Variants in KDM7A observed in about 807,000 individuals in gnomAD.
The protein encoded by KDM7A is lysine-specific demethylase 7A.
In KDM7A, 28 loss-of-function variants were observed where a neutral mutation model predicts 114.8. The ratio of observed to expected loss-of-function variants is 0.24; its 90% confidence interval spans 0.18 to 0.33. The LOEUF (loss-of-function observed/expected upper bound fraction) is 0.33, where lower values mean the gene tolerates loss of function less well. Ranked by LOEUF, KDM7A falls within the 10% of genes least tolerant of loss-of-function variation. KDM7A has a pLI of 1.00. For synonymous variants in KDM7A, 423 were observed against 397.8 expected, an observed-to-expected ratio of 1.06 and a Z score of -0.75; for missense variants, 942 against 1,142.5, an observed-to-expected ratio of 0.82 and a Z score of 2.53.
chr7:140,157,996 AATAATAAT>A (rs767410524), intron 1 of KDM7A, among the ~76,000 whole-genome samples: 13 of 67,512 alleles, frequency 1.9e-4, no homozygotes, highest in Non-Finnish European at 3.3e-4. Context: ...ATAAATAAAT[AATAATAAT>A]AATAATAATA....
At chr7:140,130,027 A>G (rs1347074031) in intron 3 of KDM7A, among the ~76,000 whole-genome samples, 1 of 152,206 alleles carries the variant, frequency 6.6e-6, no homozygotes, top group Non-Finnish European at 1.5e-5. Context: ...AGCTCACTGG[A>G]GCATTTCAGA....
intron 9 of KDM7A, among the ~76,000 whole-genome samples, chr7:140,114,491 G>A (rs1422237418): frequency 6.6e-6 from 1 of 152,104 alleles, no homozygotes; most frequent in Non-Finnish European, 1.5e-5. Flanking sequence ...CCAGGCTGGA[G>A]TGCAGTGGCG....
chr7:140,121,170 TATGGTCCTAC>T (rs1325622441), intron 7 of KDM7A, among the ~76,000 whole-genome samples: 1 of 152,198 alleles, frequency 6.6e-6, no homozygotes, highest in Non-Finnish European at 1.5e-5. Flanking sequence ...TATGAAGGGT[TATGGTCCTAC>T]AAATATAGGT....
In KDM7A at chr7:140,085,816, T is replaced by A. The variant is rs1229192625; in HGVS notation, c.*5278A>T. On this transcript the variant is annotated 3_prime_UTR_variant, in exon 20 of 20. Transcript: ENST00000397560. The stretch of plus-strand genomic sequence containing the variant: ...GAAGTTATACGTAGCTCTGTAAAAA[T>A]AAAAGGTTACTTATGAATCTTAAAA... 1.3e-5 allele frequency: 2 copies of A among 152,210 alleles called. No individual in the cohort carries two copies. Among genetic ancestry groups the A allele is most frequent in the African/African-American group, 2.4e-5 (1 of 41,462 alleles). 9.4% of individuals were successfully genotyped at this position (152,210 alleles called of 1,614,324 possible). A position where few individuals can be genotyped will look rare whatever the true frequency, so the allele number is the denominator to read the frequency against.
rs1817949819 is a variant in KDM7A at position 140,087,639 on chromosome 7, T to C, written c.*3455A>G. 1 of 152,188 alleles carries C rather than the reference T, an allele frequency of 6.6e-6. No individual in the cohort carries two copies. The highest frequency in any genetic ancestry group is 1.5e-5 in the Non-Finnish European group (1 of 68,018). The allele number at this position is 152,188 out of a possible 1,614,324, so 9.4% of individuals were successfully genotyped here. A position where few individuals can be genotyped will look rare whatever the true frequency, so the allele number is the denominator to read the frequency against. On this transcript the variant is annotated 3_prime_UTR_variant, in exon 20 of 20. Coordinates refer to ENST00000397560, the MANE Select transcript of KDM7A (RefSeq NM_030647.2). ...AATCCAAATTTACAAATGAGAAAAC[T>C]AAGAGAAAGAGTTAAGTGACTTATT...
rs1426643029 is a variant in KDM7A at position 140,129,568 on chromosome 7, C to A, written c.484G>T (p.Val162Phe). 1.9e-6 allele frequency: 3 copies of A among 1,611,792 alleles called. No individual in the cohort carries two copies. The Admixed American group carries it at 5.0e-5, about 27-fold the overall frequency. Residue 162 changes from valine (V) to phenylalanine (F), a missense_variant, in exon 4 of 20, where the codon GTC (valine) becomes TTC (phenylalanine). Val to Phe is a conservative substitution (Grantham distance 50, BLOSUM62 -1). Coordinates refer to ENST00000397560, the MANE Select transcript of KDM7A (RefSeq NM_030647.2). ...AGTCCTAGATCATCTAATTTTGGGA[C>A]CATAATAGGGACATCAAATCCATGT... ...EKHGFDVPIM[V>F]PKLDDLGLRL...
At chr7:140,128,412 CTTCT>C (rs1190709102) in intron 4 of KDM7A, among the ~76,000 whole-genome samples, 2 of 152,166 alleles carry the variant, frequency 1.3e-5, no homozygotes, top group Admixed American at 1.3e-4. Flanking sequence ...GCCTTATAGA[CTTCT>C]TTATCATCAG....
chr7:140,157,468 C>T (rs145037274), intron 1 of KDM7A, among the ~76,000 whole-genome samples: 148 of 152,250 alleles, frequency 9.7e-4, no homozygotes, highest in Admixed American at 2.4e-3. Context: ...GCCTGGGCAA[C>T]ATAGTGAGAC....
At position 140,088,174 on chromosome 7, in the gene KDM7A, T is replaced by G. The variant is rs570200502; in HGVS notation, c.*2920A>C. 2 of 222,702 alleles carry G rather than the reference T, an allele frequency of 9.0e-6. No homozygotes were observed. The highest frequency in any genetic ancestry group is 1.7e-5 in the Non-Finnish European group (2 of 114,950). 13.8% of individuals were successfully genotyped at this position (222,702 alleles called of 1,614,324 possible). On this transcript the variant is annotated 3_prime_UTR_variant, in exon 20 of 20. Transcript: ENST00000397560. ...ATTTCAGTCAGAATCTTCAATTCTGTATGCTTAAAAATGAACTGATACTTA... is the reference window on the plus strand; with the variant it reads ...ATTTCAGTCAGAATCTTCAATTCTGGATGCTTAAAAATGAACTGATACTTA...
intron 8 of KDM7A, among the ~76,000 whole-genome samples, chr7:140,119,859 T>C (rs188609772): frequency 2.7e-4 from 41 of 152,356 alleles, no homozygotes; most frequent in African/African-American, 8.4e-4. Context: ...TCCAGAGATA[T>C]GGCTTCTTAC....
chr7:140,090,937 G>T lies in KDM7A; in HGVS notation c.*157C>A, dbSNP rs1818007688. The T allele has an allele frequency of 3.2e-6, 2 of 622,002 alleles. No individual in the cohort carries two copies. Among genetic ancestry groups the T allele is most frequent in the African/African-American group, 3.7e-5 (2 of 54,458 alleles). The allele number at this position is 622,002 out of a possible 1,614,324, so 38.5% of individuals were successfully genotyped here. ...AAAATGGTTATTGCTGAGTGGGTGT[G>T]GCACAGTGAAAATGCAGCATCAGGT... On this transcript the variant is annotated 3_prime_UTR_variant, in exon 20 of 20. Transcript: ENST00000397560.
rs58767645 is a variant in KDM7A at position 140,100,711 on chromosome 7, C to CATAT, written c.1639-692_1639-689dup. Among the ~76,000 whole-genome samples, 64 of 56,954 alleles carry CATAT rather than the reference C, an allele frequency of 1.1e-3. 1 individual carries two copies. Among genetic ancestry groups the CATAT allele is most frequent in the East Asian group, 9.5e-3 (18 of 1,890 alleles). 37.4% of individuals were successfully genotyped at this position (56,954 alleles called of 152,430 possible). On this transcript the variant is annotated intron_variant, in intron 12 of 19. Transcript: ENST00000397560. ...ATACATATATATATATATATATACA[C>CATAT]ATATATATATATATATATATATATA...
chr7:140,104,580 T>C (rs1818294813), intron 11 of KDM7A, among the ~76,000 whole-genome samples: 1 of 152,206 alleles, frequency 6.6e-6, no homozygotes, highest in Non-Finnish European at 1.5e-5. Flanking sequence ...CCATTGCAGA[T>C]TTGTCAAAGA....
At chr7:140,150,422 A>G (rs1017942289) in intron 1 of KDM7A, among the ~76,000 whole-genome samples, 4 of 152,198 alleles carry the variant, frequency 2.6e-5, no homozygotes, top group African/African-American at 7.2e-5. Context: ...ATGCATTAGA[A>G]TCCCCTACAA....
intron 1 of KDM7A, among the ~76,000 whole-genome samples, chr7:140,150,592 AGGTATATG>A (rs1220937974): frequency 1.3e-5 from 2 of 152,194 alleles, no homozygotes; most frequent in Non-Finnish European, 2.9e-5. Flanking sequence ...TGTAAATGCA[AGGTATATG>A]TCTGGAAGGG....
intron 2 of KDM7A, among the ~76,000 whole-genome samples, chr7:140,138,563 A>G (rs976589538): frequency 1.3e-5 from 2 of 152,034 alleles, no homozygotes; most frequent in Admixed American, 6.5e-5. Context: ...TTGTATCTCT[A>G]CTTCCTCAGA....
At chr7:140,100,715 T>TACAC (rs1562946068) in intron 12 of KDM7A, among the ~76,000 whole-genome samples, 180 of 49,026 alleles carry the variant, frequency 3.7e-3, no homozygotes, top group South Asian at 7.9e-3. Flanking sequence ...TATACACATA[T>TACAC]ATATATATAT....
chr7:140,100,679 T>TATATATATATATATATATAC (rs1192609907), intron 12 of KDM7A, among the ~76,000 whole-genome samples: 29 of 63,974 alleles, frequency 4.5e-4, no homozygotes, highest in South Asian at 1.1e-3. Flanking sequence ...TATATATATA[T>TATATATATATATATATATAC]ACATATATAC....
rs1817918699 is a variant in KDM7A, at chr7:140,085,993, ATCAT to A, written c.*5097_*5100del. 3 of 152,304 alleles carry A rather than the reference ATCAT, an allele frequency of 2.0e-5. No homozygotes were observed. In the South Asian group the frequency reaches 6.2e-4, roughly 32 times the overall value. 9.4% of individuals were successfully genotyped at this position (152,304 alleles called of 1,614,324 possible). A position where few individuals can be genotyped will look rare whatever the true frequency, so the allele number is the denominator to read the frequency against. On this transcript the variant is annotated 3_prime_UTR_variant, in exon 20 of 20. Transcript: ENST00000397560. Reference sequence around the variant, plus strand: ...AGTATTATATATTCCAGCACTTATGATCATTGTTTTGGTGAAAAATCTTGGAGGA... The same window carrying A: ...AGTATTATATATTCCAGCACTTATGATGTTTTGGTGAAAAATCTTGGAGGA...
Sources: gnomAD v4.1 joint callset for allele counts (sites outside exome capture counted in the v4.1 genomes callset) on GRCh38, gnomAD v4.1.1 for gene constraint, MANE v1.5 for transcripts, NCBI Gene and HGNC (gene_info 2026-07-23, HGNC 2026-07-21) for gene names.